The following PBX1 variants were observed in gnomAD, a reference collection of about 807,000 sequenced individuals.
The protein encoded by PBX1 is pre-B-cell leukemia transcription factor 1.
A neutral mutation model predicts 53.4 loss-of-function variants in PBX1; 6 were observed. The observed-to-expected ratio is 0.11, with a 90% CI of 0.06 to 0.22. The LOEUF is 0.22. Among genes scored for constraint, PBX1 ranks in the 10% least tolerant of loss-of-function variants. The probability of loss-of-function intolerance (pLI) is 1.00; values close to 1 mark genes in which losing one functional copy is unlikely to be tolerated. For synonymous variants in PBX1, 204 were observed against 212.3 expected (o/e 0.96, Z 0.34); for missense variants, 251 against 551.4 (o/e 0.46, Z 5.46).
chr1:164,658,376 G>C (rs896319844), intron 2 of PBX1, among the ~76,000 whole-genome samples: 3 of 152,166 alleles, frequency 2.0e-5, no homozygotes, highest in Non-Finnish European at 4.4e-5. Context: ...TGCTGTGGTC[G>C]TAGGGATTTC....
In PBX1 at chr1:164,870,214, TTTCTTTCCTTCC is replaced by T. The variant is rs1374206532; in HGVS notation, n.258-28970_258-28959del. Among the ~76,000 whole-genome samples the T allele has an allele frequency of 1.4e-3, 115 of 82,426 alleles. 8 individuals carry two copies. The highest frequency in any genetic ancestry group is 5.9e-3 in the East Asian group (11 of 1,852). The allele number at this position is 82,426 out of a possible 152,430, so 54.1% of individuals were successfully genotyped here. On this transcript the variant is annotated intron_variant and non_coding_transcript_variant, in intron 2 of 2. Coordinates refer to the PBX1 transcript ENST00000558796. ...TGACTTTCTTTCTTTCTTTCTTTTCTTTCTTTCCTTCCTTCCTTCCTTCCTTCCTTCCTTCCT... is the reference window on the plus strand; with the variant it reads ...TGACTTTCTTTCTTTCTTTCTTTTCTTTCCTTCCTTCCTTCCTTCCTTCCT...
intron 2 of PBX1, among the ~76,000 whole-genome samples, chr1:164,757,518 G>A (rs1010308350): frequency 6.6e-6 from 1 of 152,110 alleles, no homozygotes; most frequent in Non-Finnish European, 1.5e-5. Context: ...TAATGTTTTA[G>A]CTTTCAAAAT....
chr1:164,611,378 C>CA (rs1656913800), intron 2 of PBX1, among the ~76,000 whole-genome samples: 1 of 152,180 alleles, frequency 6.6e-6, no homozygotes, highest in Admixed American at 6.5e-5. Flanking sequence ...GCTGGGACTA[C>CA]AGGCGCCCGC....
intron 2 of PBX1, among the ~76,000 whole-genome samples, chr1:164,790,998 C>T (rs1052159925): frequency 3.3e-5 from 5 of 152,160 alleles, no homozygotes; most frequent in African/African-American, 1.2e-4. Flanking sequence ...GTGTGGATAT[C>T]CACCAGGGAC....
At chr1:164,799,649 T>C (rs1457197286) in intron 3 of PBX1, 50 bp from the exon 4 acceptor site, 1 of 1,539,248 alleles carries the variant, frequency 6.5e-7, no homozygotes, top group Non-Finnish European at 8.9e-7. Context: ...ACTTGATGCG[T>C]GTTGAGGCTT....
At chr1:164,677,283 G>A (rs556684141) in intron 2 of PBX1, among the ~76,000 whole-genome samples, 5 of 150,996 alleles carry the variant, frequency 3.3e-5, no homozygotes, top group African/African-American at 4.9e-5. Flanking sequence ...TAGTAGAGAC[G>A]GGGTTTCACC....
At chr1:164,863,369 C>T (rs965200689) in intron 2 of PBX1, among the ~76,000 whole-genome samples, 1 of 152,126 alleles carries the variant, frequency 6.6e-6, no homozygotes, top group Non-Finnish European at 1.5e-5. Context: ...GGTATTGTTC[C>T]TCTAATCAAC....
chr1:164,765,342 A>ATG (rs781729030), intron 2 of PBX1, among the ~76,000 whole-genome samples: 3 of 152,208 alleles, frequency 2.0e-5, no homozygotes, highest in Non-Finnish European at 2.9e-5. Context: ...GTGGGCATCA[A>ATG]TGTATTTTAC....
Position 164,851,740 on chromosome 1 carries a change from T to C in PBX1, c.*5064T>C, listed in dbSNP as rs1454855514. On this transcript the variant is annotated 3_prime_UTR_variant, in exon 9 of 9. Transcript: ENST00000420696. ...CCAACTGAACTTTTGTGTTCTCTAATGATACTAACACGGTGTAGGTTTTAC... is the reference window on the plus strand; with the variant it reads ...CCAACTGAACTTTTGTGTTCTCTAACGATACTAACACGGTGTAGGTTTTAC... The C allele has an allele frequency of 1.7e-5, 3 of 179,550 alleles. No individual in the cohort carries two copies. The highest frequency in any genetic ancestry group is 7.1e-5 in the African/African-American group (3 of 42,338). 11.1% of individuals were successfully genotyped at this position (179,550 alleles called of 1,614,324 possible). A position where few individuals can be genotyped will look rare whatever the true frequency, so the allele number is the denominator to read the frequency against.
chr1:164,559,657 A>C lies in PBX1; in HGVS notation c.-166A>C. ...CTCATCCTCCCACCATCCTCTAAAGAGGCAAAGGGATTTTTTTTTTCTTTT... is the reference window on the plus strand; with the variant it reads ...CTCATCCTCCCACCATCCTCTAAAGCGGCAAAGGGATTTTTTTTTTCTTTT... On this transcript the variant is annotated 5_prime_UTR_variant, in exon 1 of 9. Coordinates refer to ENST00000420696, the MANE Select transcript of PBX1 (RefSeq NM_002585.4). The C allele has an allele frequency of 2.2e-6, 1 of 455,102 alleles. No homozygotes were observed. 28.2% of individuals were successfully genotyped at this position (455,102 alleles called of 1,614,324 possible).
intron 3 of PBX1, among the ~76,000 whole-genome samples, chr1:164,796,290 G>C (rs1668783436): frequency 6.6e-6 from 1 of 152,082 alleles, no homozygotes; most frequent in African/African-American, 2.4e-5. Flanking sequence ...TTACAGGCGT[G>C]AGCCACCGTG....
intron 8 of PBX1, among the ~76,000 whole-genome samples, chr1:164,836,095 A>G (rs1032597466): frequency 6.6e-6 from 1 of 152,200 alleles, no homozygotes; most frequent in Admixed American, 6.5e-5. Context: ...AGTTACATCT[A>G]TTAAAAAAGC....
chr1:164,683,130 A>C (rs1429773531), intron 2 of PBX1: 1 of 152,254 alleles, frequency 6.6e-6, no homozygotes, highest in Non-Finnish European at 1.5e-5. Context: ...AGATAACAGT[A>C]ACATCCTGTA....
At chr1:164,715,262 CA>C (rs1223060118) in intron 2 of PBX1, among the ~76,000 whole-genome samples, 1 of 152,166 alleles carries the variant, frequency 6.6e-6, no homozygotes, top group Non-Finnish European at 1.5e-5. Flanking sequence ...AAATATCTTT[CA>C]GGAGAAACAG....
intron 2 of PBX1, chr1:164,590,247 G>A (rs1655275387): frequency 2.4e-6 from 1 of 424,982 alleles, no homozygotes; most frequent in Admixed American, 2.7e-5. Flanking sequence ...GGAGCAGATA[G>A]AAGAAATACC....
At chr1:164,815,686 G>A (rs1669847223) in intron 6 of PBX1, 1 of 152,192 alleles carries the variant, frequency 6.6e-6, no homozygotes, top group South Asian at 2.1e-4. Context: ...GTGGGGAAGA[G>A]CCCCTTATAA....
chr1:164,757,023 T>C (rs1326950628), intron 2 of PBX1, among the ~76,000 whole-genome samples: 1 of 152,172 alleles, frequency 6.6e-6, no homozygotes, highest in Non-Finnish European at 1.5e-5. Context: ...TATTTAGTCA[T>C]ATTTCTGAAA....
At chr1:164,744,351 C>T (rs1455372531) in intron 2 of PBX1, among the ~76,000 whole-genome samples, 1 of 152,186 alleles carries the variant, frequency 6.6e-6, no homozygotes. Context: ...TCAAAAATTT[C>T]TCATACTTAC....
chr1:164,679,551 T>A (rs1661630401), intron 2 of PBX1, among the ~76,000 whole-genome samples: 1 of 152,164 alleles, frequency 6.6e-6, no homozygotes, highest in African/African-American at 2.4e-5. Flanking sequence ...TTTTTATTTA[T>A]AAAGTCACAA....
Sources: gnomAD v4.1 joint callset for allele counts (sites outside exome capture counted in the v4.1 genomes callset) on GRCh38, gnomAD v4.1.1 for gene constraint, MANE v1.5 for transcripts, NCBI Gene and HGNC (gene_info 2026-07-23, HGNC 2026-07-21) for gene names.